HRH2: variants seen among roughly 807,000 people sequenced by gnomAD.
HRH2 encodes histamine receptor H2.
In HRH2, 4 loss-of-function variants were observed where a neutral mutation model predicts 20.1. The ratio of observed to expected loss-of-function variants is 0.20; its 90% CI spans 0.10 to 0.45. The LOEUF (loss-of-function observed/expected upper bound fraction) is 0.45, where lower values mean the gene tolerates loss of function less well. Ranked by LOEUF, HRH2 falls within the 20% of genes least tolerant of loss-of-function variation. HRH2 has a pLI of 0.99. For missense variants in HRH2, 250 were observed against 461.6 expected (o/e 0.54, Z 4.20); for synonymous variants, 197 against 200.7 (o/e 0.98, Z 0.16).
chr5:175,699,595 A>T (rs1235755514), intron 2 of HRH2, among the ~76,000 whole-genome samples: 1 of 151,254 alleles, frequency 6.6e-6, no homozygotes, highest in Admixed American at 6.6e-5. Flanking sequence ...TTTGTTTGAG[A>T]CAGAGTCTCA....
chr5:175,667,080 C>T (rs1233268306), intron 1 of HRH2, among the ~76,000 whole-genome samples: 1 of 151,900 alleles, frequency 6.6e-6, no homozygotes. Flanking sequence ...ATTATACATA[C>T]TATTTTGTAC....
chr5:175,701,677 G>A (rs1756791243), intron 2 of HRH2, among the ~76,000 whole-genome samples: 2 of 152,124 alleles, frequency 1.3e-5, no homozygotes, highest in Non-Finnish European at 2.9e-5. Flanking sequence ...GCCCAACCCT[G>A]AAGCCAGGGC....
chr5:175,695,388 A>G (rs2113544661), intron 2 of HRH2, among the ~76,000 whole-genome samples: 1 of 152,266 alleles, frequency 6.6e-6, no homozygotes, highest in South Asian at 2.1e-4. Flanking sequence ...GAGGCTGGAG[A>G]ACAGTGTCCG....
At chr5:175,665,263 G>A (rs2113474791) in intron 1 of HRH2, among the ~76,000 whole-genome samples, 1 of 152,312 alleles carries the variant, frequency 6.6e-6, no homozygotes, top group Non-Finnish European at 1.5e-5. Context: ...CGACCGAGGA[G>A]GTACAGGAGC....
intron 2 of HRH2, among the ~76,000 whole-genome samples, chr5:175,705,363 G>T (rs1332002631): frequency 6.6e-6 from 1 of 152,174 alleles, no homozygotes; most frequent in Non-Finnish European, 1.5e-5. Flanking sequence ...TACACCGGGG[G>T]ACAGGTCCAG....
At chr5:175,690,150 G>A (rs1756317462) in intron 2 of HRH2, among the ~76,000 whole-genome samples, 1 of 152,140 alleles carries the variant, frequency 6.6e-6, no homozygotes, top group East Asian at 1.9e-4. Context: ...CTCTATGAGT[G>A]CACTTTGCAT....
intron 2 of HRH2, among the ~76,000 whole-genome samples, chr5:175,699,062 C>T (rs763356018): frequency 8.6e-5 from 13 of 151,924 alleles, no homozygotes; most frequent in East Asian, 1.9e-4. Flanking sequence ...AGGAGAAGGC[C>T]GTGAGAAAAG....
intron 2 of HRH2, chr5:175,703,842 G>A (rs1402380043): frequency 6.6e-6 from 1 of 152,072 alleles, no homozygotes; most frequent in African/African-American, 2.4e-5. Context: ...AAACTGACTT[G>A]GGAAGAAATA....
At position 175,683,279 on chromosome 5, in the gene HRH2, G is replaced by T; in HGVS notation, c.46G>T (p.Ala16Ser). 1 of 1,614,118 alleles carries T rather than the reference G, an allele frequency of 6.2e-7. No homozygotes were observed. The highest frequency in any genetic ancestry group is 2.2e-5 in the East Asian group (1 of 44,862). ...CTCTTCCTTTTGCCTGGACTCTACCGCATGCAAGATCACCATCACCGTGGT... is the reference window on the plus strand; with the variant it reads ...CTCTTCCTTTTGCCTGGACTCTACCTCATGCAAGATCACCATCACCGTGGT... ...TASSFCLDSTACKITITVVLA... is the reference protein window; with the variant it reads ...TASSFCLDSTSCKITITVVLA... Residue 16 changes from alanine (A) to serine (S), a missense_variant, in exon 2 of 3, where the codon GCA becomes TCA. Coordinates refer to ENST00000636584, the MANE Select transcript of HRH2 (RefSeq NM_001367711.1).
Position 175,681,450 on chromosome 5 carries a change from C to T in HRH2, c.-525-1259C>T, listed in dbSNP as rs594623. Among the ~76,000 whole-genome samples the T allele has an allele frequency of 0.016, 2,377 of 152,290 alleles. 64 individuals are homozygous for T. The highest frequency in any genetic ancestry group is 0.055 in the African/African-American group (2,265 of 41,530). On this transcript the variant is annotated intron_variant, in intron 1 of 2. Coordinates refer to ENST00000636584, the MANE Select transcript of HRH2 (RefSeq NM_001367711.1). This position sits in a 1 kb window ranked among gnomAD's most constrained non-coding sequence, Gnocchi z 4.3. ...CCGCCATCAACTCGATTTCTGCACA[C>T]ACTCAGAGCTCAGGAGATTGCCTGC...
At chr5:175,665,276 C>T (rs571351920) in intron 1 of HRH2, among the ~76,000 whole-genome samples, 41 of 152,144 alleles carry the variant, frequency 2.7e-4, no homozygotes, top group Admixed American at 4.6e-4. Context: ...ACAGGAGCTG[C>T]AGGAGCTGGC....
At chr5:175,697,684 C>T (rs1756648865) in intron 2 of HRH2, among the ~76,000 whole-genome samples, 1 of 152,144 alleles carries the variant, frequency 6.6e-6, no homozygotes, top group African/African-American at 2.4e-5. Flanking sequence ...CTGACACTCC[C>T]CTGCTCTACA....
chr5:175,660,490 T>G (rs1310064870), intron 1 of HRH2, among the ~76,000 whole-genome samples: 1 of 152,300 alleles, frequency 6.6e-6, no homozygotes, highest in South Asian at 2.1e-4. Context: ...TGGCAAGAGC[T>G]TAGAAAAAAG....
intron 1 of HRH2, among the ~76,000 whole-genome samples, chr5:175,662,452 G>A (rs1762766676): frequency 6.6e-6 from 1 of 152,108 alleles, no homozygotes; most frequent in Non-Finnish European, 1.5e-5. Context: ...CAATAGTGCC[G>A]AGGTTAAGAA....
At chr5:175,672,955 G>C (rs1332439024) in intron 1 of HRH2, among the ~76,000 whole-genome samples, 1 of 151,688 alleles carries the variant, frequency 6.6e-6, no homozygotes, top group East Asian at 2.0e-4. Flanking sequence ...CGAGGAATAA[G>C]AGCAAGGTTA....
chr5:175,663,877 C>T (rs1762809302), intron 1 of HRH2, among the ~76,000 whole-genome samples: 1 of 152,248 alleles, frequency 6.6e-6, no homozygotes, highest in African/African-American at 2.4e-5. Context: ...AGCCACCTCC[C>T]CTCTCTGAGC....
At chr5:175,668,436 G>A (rs1336671708) in intron 1 of HRH2, among the ~76,000 whole-genome samples, 1 of 152,158 alleles carries the variant, frequency 6.6e-6, no homozygotes, top group Non-Finnish European at 1.5e-5. Context: ...TACTCAGGAA[G>A]TTGGCTCTAG....
intron 1 of HRH2, among the ~76,000 whole-genome samples, chr5:175,665,771 T>C (rs1393991902): frequency 6.6e-6 from 1 of 151,986 alleles, no homozygotes. Context: ...GATTATAAAA[T>C]GGGCAAGAGT....
At chr5:175,704,235 G>A (rs911453258) in intron 2 of HRH2, among the ~76,000 whole-genome samples, 1 of 151,936 alleles carries the variant, frequency 6.6e-6, no homozygotes, top group Non-Finnish European at 1.5e-5. Context: ...AAATTTCAGA[G>A]CATTAGAAAA....
Sources: allele counts gnomAD v4.1 joint callset (sites outside exome capture counted in the v4.1 genomes callset), GRCh38; gene constraint gnomAD v4.1.1; non-coding constraint Gnocchi (gnomAD v3.1); transcripts MANE v1.5; gene names NCBI Gene and HGNC (gene_info 2026-07-23, HGNC 2026-07-21).